The following VPS41 variants were observed in gnomAD, a reference collection of about 807,000 sequenced individuals.
VPS41 encodes the protein VPS41 subunit of HOPS complex, also known as vacuolar protein sorting-associated protein 41 homolog.
VPS41 carries 85 observed loss-of-function variants against 130.9 expected under a neutral mutation model. That is an observed-to-expected ratio of 0.65 (90% confidence interval 0.55 to 0.78). VPS41 has a LOEUF of 0.78. Among genes scored for constraint, VPS41 ranks in the 30% least tolerant of loss-of-function variants. The pLI is 0.00. For synonymous variants in VPS41, 335 were observed against 332.9 expected (o/e 1.01, Z -0.07); for missense variants, 874 against 1,018.7 (o/e 0.86, Z 1.93).
Position 38,897,242 on chromosome 7 carries a change from C to T in VPS41, c.60+849G>A, listed in dbSNP as rs1787023662. Among the ~76,000 whole-genome samples the T allele has an allele frequency of 2.0e-5, 3 of 149,840 alleles. No homozygotes were observed. The South Asian group carries it at 6.3e-4, about 32-fold the overall frequency. Reference sequence around the variant, plus strand: ...ATATTATGCTTAAACATTTCTTATGCAGACTTGAAAATAAATTTTTTAAAA... The same window carrying T: ...ATATTATGCTTAAACATTTCTTATGTAGACTTGAAAATAAATTTTTTAAAA... On this transcript the variant is annotated intron_variant, in intron 2 of 28. Coordinates refer to ENST00000310301, the MANE Select transcript of VPS41 (RefSeq NM_014396.4).
At chr7:38,775,563 T>C (rs1248624032) in intron 11 of VPS41, 1 of 152,164 alleles carries the variant, frequency 6.6e-6, no homozygotes, top group Non-Finnish European at 1.5e-5. Context: ...CCACTGCTTT[T>C]ATTTTCAAAA....
chr7:38,860,833 G>C lies in VPS41; in HGVS notation c.246+1712C>G, dbSNP rs114900356. 5.8e-3 allele frequency among the ~76,000 whole-genome samples: 877 copies of C among 151,900 alleles called. 8 individuals carry two copies. The highest frequency in any genetic ancestry group is 0.02 in the African/African-American group (835 of 41,416). ...GGCAGACATACGCTTGGCTTCAGTA[G>C]ATTCTGCCAATGATCACGAAAAAGC... On this transcript the variant is annotated intron_variant, in intron 4 of 28. Coordinates refer to ENST00000310301, the MANE Select transcript of VPS41 (RefSeq NM_014396.4).
intron 5 of VPS41, among the ~76,000 whole-genome samples, chr7:38,826,689 T>A (rs1785286582): frequency 6.6e-6 from 1 of 152,200 alleles, no homozygotes; most frequent in African/African-American, 2.4e-5. Context: ...GAGAGAGGTA[T>A]AAATAACTTA....
chr7:38,782,707 C>T (rs1009983153), intron 10 of VPS41, among the ~76,000 whole-genome samples: 2 of 152,170 alleles, frequency 1.3e-5, no homozygotes, highest in Admixed American at 6.5e-5. Context: ...CCCTCGATAG[C>T]ATACACACCA....
At position 38,862,529 on chromosome 7, in the gene VPS41, T is replaced by C; in HGVS notation, c.246+16A>G. 6.7e-7 allele frequency: 1 copy of C among 1,498,938 alleles called. No individual in the cohort carries two copies. The highest frequency in any genetic ancestry group is 9.2e-7 in the Non-Finnish European group (1 of 1,086,978). The allele number at this position is 1,498,938 out of a possible 1,614,324, so 92.9% of individuals were successfully genotyped here. ...ATGAAGTTTAGCTCATACATTATTT[T>C]ATACAGAATACTTACTACATCAAAC... On this transcript the variant is annotated intron_variant, in intron 4 of 28. Coordinates refer to ENST00000310301, the MANE Select transcript of VPS41 (RefSeq NM_014396.4).
chr7:38,739,013 T>C (rs979658136), intron 25 of VPS41, among the ~76,000 whole-genome samples: 3 of 152,194 alleles, frequency 2.0e-5, no homozygotes, highest in Non-Finnish European at 4.4e-5. Flanking sequence ...TCCCACAACA[T>C]TCTCTAACCC....
intron 1 of VPS41, among the ~76,000 whole-genome samples, chr7:38,906,437 T>C (rs1295076290): frequency 1.3e-5 from 2 of 151,976 alleles, no homozygotes; most frequent in Non-Finnish European, 2.9e-5. Flanking sequence ...CCCGACCCTC[T>C]TGACTCAAGC....
At chr7:38,888,040 G>A (rs868851806) in intron 2 of VPS41, among the ~76,000 whole-genome samples, 3 of 152,146 alleles carry the variant, frequency 2.0e-5, no homozygotes, top group Admixed American at 2.0e-4. Flanking sequence ...CACTAGACGT[G>A]GATAGGAACA....
intron 2 of VPS41, among the ~76,000 whole-genome samples, chr7:38,895,527 T>C (rs1330923145): frequency 6.6e-6 from 1 of 152,150 alleles, no homozygotes; most frequent in Admixed American, 6.5e-5. Context: ...TTTTTAAATG[T>C]CTTGGATTTT....
At chr7:38,861,038 T>C (rs140748235) in intron 4 of VPS41, among the ~76,000 whole-genome samples, 1,547 of 152,214 alleles carry the variant, frequency 0.01, 6 homozygotes, top group Non-Finnish European at 0.014. Context: ...AAGAAAGATT[T>C]AGACAAATTT....
chr7:38,728,524 T>TG lies in VPS41; in HGVS notation c.2404+17dup, dbSNP rs1795593441. Reference sequence around the variant, plus strand: ...TTAAAATACATGTTTGGGATTTTTTTGGGGAAAACCTTCTTACCTGATGGA... The same window carrying TG: ...TTAAAATACATGTTTGGGATTTTTTTGGGGGAAAACCTTCTTACCTGATGGA... On this transcript the variant is annotated intron_variant, in intron 27 of 28. Coordinates refer to ENST00000310301, the MANE Select transcript of VPS41 (RefSeq NM_014396.4). 5 of 1,614,150 alleles carry TG rather than the reference T, an allele frequency of 3.1e-6. No individual in the cohort carries two copies. In the Admixed American group the frequency reaches 6.7e-5, roughly 22 times the overall value.
intron 1 of VPS41, among the ~76,000 whole-genome samples, chr7:38,905,510 T>C (rs1787240500): frequency 6.6e-6 from 1 of 152,226 alleles, no homozygotes; most frequent in Admixed American, 6.5e-5. Context: ...TTTTCATTCA[T>C]ACCTAAAAAG....
chr7:38,828,136 A>G (rs1785315941), intron 5 of VPS41, among the ~76,000 whole-genome samples: 1 of 152,228 alleles, frequency 6.6e-6, no homozygotes, highest in Non-Finnish European at 1.5e-5. Context: ...ATTTTATACT[A>G]TAGTTTACAT....
chr7:38,904,956 G>A (rs1299680247), intron 1 of VPS41, among the ~76,000 whole-genome samples: 1 of 152,070 alleles, frequency 6.6e-6, no homozygotes, highest in East Asian at 1.9e-4. Flanking sequence ...GCAGGCAAGA[G>A]TAAAGAAAGT....
chr7:38,765,266 C>T (rs1430715055), intron 16 of VPS41, among the ~76,000 whole-genome samples: 1 of 151,974 alleles, frequency 6.6e-6, no homozygotes, highest in African/African-American at 2.4e-5. Context: ...AAGTCTTATG[C>T]TTTATAACCT....
intron 1 of VPS41, among the ~76,000 whole-genome samples, chr7:38,907,810 CA>C (rs1787300889): frequency 6.6e-6 from 1 of 152,096 alleles, no homozygotes; most frequent in South Asian, 2.1e-4. Flanking sequence ...GCTTTCAAAT[CA>C]AACCATAAAA....
chr7:38,876,200 A>G (rs969346302), intron 2 of VPS41, among the ~76,000 whole-genome samples: 1 of 152,242 alleles, frequency 6.6e-6, no homozygotes, highest in Non-Finnish European at 1.5e-5. Context: ...TATCCAGCCC[A>G]AAGTGCCAGT....
At chr7:38,884,506 T>C (rs1786678655) in intron 2 of VPS41, among the ~76,000 whole-genome samples, 1 of 152,088 alleles carries the variant, frequency 6.6e-6, no homozygotes, top group African/African-American at 2.4e-5. Context: ...AAGACAAAGG[T>C]AACACAATTT....
rs186802666 is a variant in VPS41, at chr7:38,844,922, C to T, written c.247-14594G>A. 2.6e-5 allele frequency among the ~76,000 whole-genome samples: 4 copies of T among 152,262 alleles called. No homozygotes were observed. The East Asian group carries it at 7.7e-4, about 29-fold the overall frequency. On this transcript the variant is annotated intron_variant, in intron 4 of 28. Transcript: ENST00000310301. ...AGGTAAAAGGCTCAGATATTCACCC[C>T]GCTGTTGCACCCACCAGGACGGTAG...
Sources: gnomAD v4.1 joint callset for allele counts (sites outside exome capture counted in the v4.1 genomes callset) on GRCh38, gnomAD v4.1.1 for gene constraint, MANE v1.5 for transcripts, NCBI Gene and HGNC (gene_info 2026-07-23, HGNC 2026-07-21) for gene names.